DNHD1: variants seen among roughly 807,000 people sequenced by gnomAD.
DNHD1 encodes dynein heavy chain domain-containing protein 1.
A neutral mutation model predicts 458.1 loss-of-function variants in DNHD1; 383 were observed. The observed-to-expected ratio is 0.84, with a 90% CI of 0.77 to 0.91. The LOEUF is 0.91. DNHD1 is among the 40% of genes least tolerant of loss of function. The probability of loss-of-function intolerance (pLI) is 0.00; values close to 1 mark genes in which losing one functional copy is unlikely to be tolerated. For synonymous variants in DNHD1, 2,203 were observed against 2,376.9 expected, an observed-to-expected ratio of 0.93 and a Z score of 2.13; for missense variants, 5,336 against 5,866.1, an observed-to-expected ratio of 0.91 and a Z score of 2.95.
chr11:6,504,680 C>G (rs948419492), intron 4 of DNHD1, among the ~76,000 whole-genome samples: 1 of 152,146 alleles, frequency 6.6e-6, no homozygotes, highest in African/African-American at 2.4e-5. Context: ...AACTCCTGAC[C>G]TCAAGTGATC....
chr11:6,502,756 T>C lies in DNHD1; in HGVS notation c.750T>C (p.Ser250=). ...VEPVGRKETR[S]QLDYEVPREK... ...CTCCTGATTTTCTGTCACACAGGTCTCAGCTTGACTATGAAGTTCCCAGGG... is the reference window on the plus strand; with the variant it reads ...CTCCTGATTTTCTGTCACACAGGTCCCAGCTTGACTATGAAGTTCCCAGGG... Residue 250 remains serine (S), a synonymous_variant, in exon 4 of 43, where the codon TCT becomes TCC. Coordinates refer to ENST00000254579, the MANE Select transcript of DNHD1 (RefSeq NM_144666.3). 1 of 1,589,602 alleles carries C rather than the reference T, an allele frequency of 6.3e-7. No individual in the cohort carries two copies. The highest frequency in any genetic ancestry group is 8.6e-7 in the Non-Finnish European group (1 of 1,169,384).
rs754460057 is a variant in DNHD1 at position 6,567,566 on chromosome 11, G to A, written c.12057G>A (p.Leu4019=). The A allele has an allele frequency of 4.3e-6, 7 of 1,612,930 alleles. No individual in the cohort carries two copies. In the East Asian group the frequency reaches 1.1e-4, roughly 26 times the overall value. ...GTGCTTGGCAGGCTTACCTGTCACT[G>A]TCATCCACAGTGCTGGGTCCTGCAC... The part of the protein sequence containing the change: ...HSSAWQAYLS[L]SSTVLGPAPG... The change falls in exon 36 of 43, where the codon CTG becomes CTA. Residue 4019 remains leucine (L), a synonymous_variant. Coordinates refer to ENST00000254579, the MANE Select transcript of DNHD1 (RefSeq NM_144666.3).
At chr11:6,543,274 C>A (rs1853136647) in intron 18 of DNHD1, among the ~76,000 whole-genome samples, 1 of 152,178 alleles carries the variant, frequency 6.6e-6, no homozygotes, top group Admixed American at 6.5e-5. Flanking sequence ...ATTAGTGTCC[C>A]TACCTCATTT....
At chr11:6,550,948 T>C (rs576745488) in intron 24 of DNHD1, among the ~76,000 whole-genome samples, 109 of 152,206 alleles carry the variant, frequency 7.2e-4, no homozygotes, top group Middle Eastern at 3.4e-3. Flanking sequence ...CAATAACTGA[T>C]AAGACAAGGA....
intron 19 of DNHD1, 133 bp from the exon 20 acceptor site, chr11:6,544,441 C>A: frequency 1.0e-6 from 1 of 1,001,872 alleles, no homozygotes; most frequent in Non-Finnish European, 1.4e-6. Flanking sequence ...CAAGCAAGTT[C>A]CCTGAGTCCT....
chr11:6,542,015 T>C (rs893527351), intron 18 of DNHD1, among the ~76,000 whole-genome samples: 6 of 152,204 alleles, frequency 3.9e-5, no homozygotes, highest in Non-Finnish European at 8.8e-5. Flanking sequence ...TTTATCCTTA[T>C]CACCTCTTTA....
At position 6,557,514 on chromosome 11, in the gene DNHD1, G is replaced by GA; in HGVS notation, c.8220dup (p.Val2741SerfsTer40). The stretch of plus-strand genomic sequence containing the variant: ...GAACCTTATGGCCTTCAGGTCGCCA[G>GA]AGTCTCAAACTCCAGAGATCCAAGT... On this transcript the variant is annotated frameshift_variant, in exon 25 of 43. Transcript: ENST00000254579. LOFTEE classifies it high-confidence loss of function. The GA allele has an allele frequency of 6.4e-7, 1 of 1,551,768 alleles. No individual in the cohort carries two copies. The highest frequency in any genetic ancestry group is 2.0e-5 in the Admixed American group (1 of 51,004).
rs1468196658 is a variant in DNHD1, at chr11:6,563,082, C to T, written c.9620C>T (p.Ala3207Val). ...RHQENLIENL[A>V]RQRDALQAQR... ...CAAGAGAACCTCATTGAGAACCTGG[C>T]CAGGCAACGGGATGCCCTGCAAGCT... is the stretch of plus-strand genomic sequence containing the variant. The change falls in exon 29 of 43, where the codon GCC becomes GTC. Residue 3207 changes from alanine to valine, a missense_variant. Physicochemically the swap from Ala to Val is moderately conservative, Grantham distance 64. Coordinates refer to ENST00000254579, the MANE Select transcript of DNHD1 (RefSeq NM_144666.3). 6 of 1,551,490 alleles carry T rather than the reference C, an allele frequency of 3.9e-6. No homozygotes were observed. The highest frequency in any genetic ancestry group is 5.2e-6 in the Non-Finnish European group (6 of 1,146,982).
rs774588152 is a variant in DNHD1 at position 6,558,018 on chromosome 11, G to T, written c.8723G>T (p.Cys2908Phe). The change falls in exon 25 of 43, where the codon TGT (cysteine) becomes TTT (phenylalanine). Residue 2908 changes from cysteine (C) to phenylalanine (F), a missense_variant. Around this residue, in one of 4 missense-constraint regions of DNHD1, gnomAD observed 3,932 missense variants for 4,365.6 expected, o/e 0.90. Coordinates refer to ENST00000254579, the MANE Select transcript of DNHD1 (RefSeq NM_144666.3). ...HTAITLASSI[C>F]QAHFFHLPSG... ...GCCATCACTCTGGCTTCTAGCATTTGTCAGGCCCATTTCTTTCATCTACCA... is the reference window on the plus strand; with the variant it reads ...GCCATCACTCTGGCTTCTAGCATTTTTCAGGCCCATTTCTTTCATCTACCA... The T allele has an allele frequency of 1.9e-6, 3 of 1,551,712 alleles. No individual in the cohort carries two copies. The highest frequency in any genetic ancestry group is 2.6e-6 in the Non-Finnish European group (3 of 1,147,000).
In DNHD1 at chr11:6,546,107, G is replaced by A. The variant is rs368809071; in HGVS notation, c.5168G>A (p.Ser1723Asn). Residue 1723 changes from serine (S) to asparagine (N), a missense_variant, in exon 21 of 43, where the codon AGC becomes AAC. By Grantham distance (46) the Ser-to-Asn change is conservative. Transcript: ENST00000254579. The stretch of plus-strand genomic sequence containing the variant: ...CCTCAGATAGAGGCTCAATGCCTGA[G>A]CAACTATCTGAATGGTGCCCTGCAG... ...CSPQIEAQCLSNYLNGALQGG... is the reference protein window; with the variant it reads ...CSPQIEAQCLNNYLNGALQGG... 151 of 1,551,478 alleles carry A rather than the reference G, an allele frequency of 9.7e-5. No individual in the cohort carries two copies. The highest frequency in any genetic ancestry group is 8.3e-4 in the Middle Eastern group (5 of 6,014).
chr11:6,560,428 G>C (rs34957911), intron 28 of DNHD1, among the ~76,000 whole-genome samples: 4,356 of 152,212 alleles, frequency 0.029, 105 homozygotes, highest in Non-Finnish European at 0.045. Flanking sequence ...TCACCACCTA[G>C]GATGAACAGC....
Position 6,538,852 on chromosome 11 carries a change from G to A in DNHD1, c.3325+42G>A, listed in dbSNP as rs1348260304. 3 of 1,460,766 alleles carry A rather than the reference G, an allele frequency of 2.1e-6. No individual in the cohort carries two copies. In the African/African-American group the frequency reaches 4.2e-5, roughly 21 times the overall value. The allele number at this position is 1,460,766 out of a possible 1,614,324, so 90.5% of individuals were successfully genotyped here. The stretch of plus-strand genomic sequence containing the variant: ...TCAGAGGAGGGGGAAAGGGAAATAT[G>A]TGAGGTTAGAGCGATGCAGCAACTC... On this transcript the variant is annotated intron_variant, in intron 16 of 42. Transcript: ENST00000254579.
rs1430731160 is a variant in DNHD1 at position 6,566,228 on chromosome 11, C to T, written c.11054-13C>T. 1 of 1,550,210 alleles carries T rather than the reference C, an allele frequency of 6.5e-7. No individual in the cohort carries two copies. The highest frequency in any genetic ancestry group is 2.4e-5 in the East Asian group (1 of 40,886). On this transcript the variant is annotated splice_polypyrimidine_tract_variant and intron_variant, in intron 33 of 42. Coordinates refer to ENST00000254579, the MANE Select transcript of DNHD1 (RefSeq NM_144666.3). The stretch of plus-strand genomic sequence containing the variant: ...GGCATTGTGGGTAGGGTGCCTTTGC[C>T]TCCCTCTCACAGGCCTGCCTGTGTT...
At chr11:6,517,408 T>C (rs1048300586) in intron 7 of DNHD1, among the ~76,000 whole-genome samples, 2 of 152,166 alleles carry the variant, frequency 1.3e-5, no homozygotes, top group Non-Finnish European at 2.9e-5. Context: ...CAAAGAGATA[T>C]CTATACCCCC....
Position 6,563,841 on chromosome 11 carries a change from T to G in DNHD1, c.10001T>G (p.Leu3334Arg). The stretch of plus-strand genomic sequence containing the variant: ...CTGGCAGCCTGGCTCTGGGCTGTTC[T>G]GCACTATGGGCTGGCGCATTGCCGG... ...ASLAAWLWAV[L>R]HYGLAHCRGL... Residue 3334 changes from leucine to arginine, a missense_variant, in exon 31 of 43, where the codon CTG becomes CGG. Physicochemically the swap from Leu to Arg is moderately radical, Grantham distance 102. This residue lies in a region of DNHD1 where 3,932 missense variants were observed against 4,365.6 expected (regional missense o/e 0.90). Transcript: ENST00000254579. The G allele has an allele frequency of 6.4e-7, 1 of 1,551,704 alleles. No individual in the cohort carries two copies. Among genetic ancestry groups the G allele is most frequent in the Non-Finnish European group, 8.7e-7 (1 of 1,147,004 alleles).
intron 7 of DNHD1, among the ~76,000 whole-genome samples, chr11:6,519,197 C>T (rs573948031): frequency 2.2e-4 from 34 of 152,212 alleles, no homozygotes; most frequent in Non-Finnish European, 4.0e-4. Flanking sequence ...CAGCAGGCCA[C>T]ATCACCTAGC....
rs367737836 is a variant in DNHD1, at chr11:6,522,722, C to T, written c.1837+2433C>T. Among the ~76,000 whole-genome samples, 9 of 152,252 alleles carry T rather than the reference C, an allele frequency of 5.9e-5. 1 individual carries two copies. The highest frequency in any genetic ancestry group is 2.2e-4 in the African/African-American group (9 of 41,546). On this transcript the variant is annotated intron_variant, in intron 10 of 42. Transcript: ENST00000254579. ...ATACATCCAACTGAGAAAACTGTTA[C>T]TTAAATGAGGCAAAATTTGTATGGC...
Position 6,544,253 on chromosome 11 carries a change from GCAGGCCTCTAGC to G in DNHD1, c.3754+13_3754+24del, listed in dbSNP as rs1276321450. 6.4e-7 allele frequency: 1 copy of G among 1,551,490 alleles called. No homozygotes were observed. The highest frequency in any genetic ancestry group is 8.7e-7 in the Non-Finnish European group (1 of 1,146,954). ...GCCATCATGCATGGCCTGGGTAAGT[GCAGGCCTCTAGC>G]CAGGCTGATGGGTGAGACCTGAGGC... On this transcript the variant is annotated splice_region_variant and intron_variant, in intron 19 of 42. Transcript: ENST00000254579.
At position 6,538,630 on chromosome 11, in the gene DNHD1, C is replaced by A. The variant is rs1853020157; in HGVS notation, c.3145C>A (p.Gln1049Lys). The change falls in exon 16 of 43, where the codon CAG becomes AAG. Residue 1049 changes from glutamine to lysine, a missense_variant. By Grantham distance (53) the Gln-to-Lys change is moderately conservative (BLOSUM62 1). Coordinates refer to ENST00000254579, the MANE Select transcript of DNHD1 (RefSeq NM_144666.3). ...AFAKFSPAMAQEKTEGWLTEA... is the reference protein window; with the variant it reads ...AFAKFSPAMAKEKTEGWLTEA... ...CCTGCAGTTCAGCCCAGCTATGGCC[C>A]AGGAGAAGACAGAGGGCTGGCTGAC... The A allele has an allele frequency of 4.5e-6, 7 of 1,544,894 alleles. No homozygotes were observed. The highest frequency in any genetic ancestry group is 6.1e-6 in the Non-Finnish European group (7 of 1,142,474).
Sources: allele counts gnomAD v4.1 joint callset (sites outside exome capture counted in the v4.1 genomes callset), GRCh38; gene constraint gnomAD v4.1.1; regional missense constraint gnomAD v4.1.1; transcripts MANE v1.5; gene names NCBI Gene and HGNC (gene_info 2026-07-23, HGNC 2026-07-21).